The following NBEAL1 variants were observed in gnomAD, a reference collection of about 807,000 sequenced individuals.
NBEAL1 encodes neurobeachin like 1.
In NBEAL1, 273 loss-of-function variants were observed where a neutral mutation model predicts 351.3. That is an observed-to-expected ratio of 0.78 (90% CI 0.70 to 0.86). The LOEUF is 0.86. NBEAL1 is among the 40% of genes least tolerant of loss of function. NBEAL1 has a pLI of 0.00. For missense variants in NBEAL1, 2,961 were observed against 3,201.3 expected, an observed-to-expected ratio of 0.92 and a Z score of 1.81; for synonymous variants, 1,050 against 1,086.4, an observed-to-expected ratio of 0.97 and a Z score of 0.66.
At chr2:203,194,149 A>G (rs1327665891) in intron 47 of NBEAL1, among the ~76,000 whole-genome samples, 2 of 152,158 alleles carry the variant, frequency 1.3e-5, no homozygotes, top group Admixed American at 1.3e-4. Flanking sequence ...CATTTTCCTG[A>G]CGAAGAAGAA....
chr2:203,212,775 G>A (rs1174277230), intron 54 of NBEAL1, among the ~76,000 whole-genome samples: 1 of 152,138 alleles, frequency 6.6e-6, no homozygotes, highest in Non-Finnish European at 1.5e-5. Context: ...TGAAGGATTA[G>A]TAGGAATTAA....
At chr2:203,132,399 A>G in intron 26 of NBEAL1, among the ~76,000 whole-genome samples, 1 of 152,264 alleles carries the variant, frequency 6.6e-6, no homozygotes, top group East Asian at 1.9e-4. Flanking sequence ...AATATGTGCA[A>G]AAGATTGTTT....
intron 25 of NBEAL1, 73 bp downstream of exon 25, chr2:203,130,549 A>T: frequency 1.1e-6 from 1 of 946,452 alleles, no homozygotes; most frequent in Middle Eastern, 3.3e-4. Flanking sequence ...CAATATATCC[A>T]TTCTGTGACT....
In NBEAL1 at chr2:203,041,745, T is replaced by C. The variant is rs1417553345; in HGVS notation, c.52-20T>C. ...TTCCTGATAGGCATACTTAATATTATAATGGTTTTGTTATTTCAGAAAGAT... is the reference window on the plus strand; with the variant it reads ...TTCCTGATAGGCATACTTAATATTACAATGGTTTTGTTATTTCAGAAAGAT... On this transcript the variant is annotated intron_variant, in intron 2 of 55. Transcript: ENST00000683969. The C allele has an allele frequency of 1.3e-6, 2 of 1,522,854 alleles. No individual in the cohort carries two copies. Among genetic ancestry groups the C allele is most frequent in the Non-Finnish European group, 8.9e-7 (1 of 1,122,154 alleles). The allele number at this position is 1,522,854 out of a possible 1,614,324, so 94.3% of individuals were successfully genotyped here. A position where few individuals can be genotyped will look rare whatever the true frequency, so the allele number is the denominator to read the frequency against.
rs575944139 is a variant in NBEAL1 at position 203,195,406 on chromosome 2, T to A, written c.7038+1495T>A. Among the ~76,000 whole-genome samples, 4 of 152,310 alleles carry A rather than the reference T, an allele frequency of 2.6e-5. No homozygotes were observed. The South Asian group carries it at 8.3e-4, about 32-fold the overall frequency. ...CTGAAATAGTTATTTAGTGTTGCAA[T>A]ACAAACTCTACAAACTTGGTTGTTT... On this transcript the variant is annotated intron_variant, in intron 47 of 55. Transcript: ENST00000683969.
intron 31 of NBEAL1, among the ~76,000 whole-genome samples, chr2:203,142,642 TATTTA>T (rs1426624355): frequency 2.6e-5 from 4 of 152,258 alleles, no homozygotes; most frequent in Non-Finnish European, 5.9e-5. Flanking sequence ...ACTTAGTGTT[TATTTA>T]ATTTAATGAC....
At chr2:203,216,564 G>C (rs1451018000) in intron 55 of NBEAL1, among the ~76,000 whole-genome samples, 3 of 151,952 alleles carry the variant, frequency 2.0e-5, no homozygotes, top group African/African-American at 7.3e-5. Flanking sequence ...AATATAGTGA[G>C]ATCTCATCTC....
intron 15 of NBEAL1, 58 bp downstream of exon 15, chr2:203,110,340 T>C (rs2106239512): frequency 2.7e-6 from 4 of 1,498,664 alleles, no homozygotes; most frequent in Non-Finnish European, 3.6e-6. Flanking sequence ...TTTCCCACCA[T>C]TGTCATAAAT....
At chr2:203,164,965 G>A (rs539840365) in intron 36 of NBEAL1, among the ~76,000 whole-genome samples, 12 of 151,512 alleles carry the variant, frequency 7.9e-5, no homozygotes, top group African/African-American at 1.7e-4. Context: ...AGATTCAAGC[G>A]ATTCTTTTGC....
intron 14 of NBEAL1, 79 bp downstream of exon 14, chr2:203,108,267 T>C: frequency 9.0e-7 from 1 of 1,116,328 alleles, no homozygotes; most frequent in Non-Finnish European, 1.3e-6. Context: ...GAAAACTGTT[T>C]CCAAGCATCT....
Position 203,136,456 on chromosome 2 carries a change from C to G in NBEAL1, c.4390-143C>G, listed in dbSNP as rs989024010. 15 of 750,746 alleles carry G rather than the reference C, an allele frequency of 2.0e-5. No individual in the cohort carries two copies. In the South Asian group the frequency reaches 2.9e-4, roughly 15 times the overall value. The allele number at this position is 750,746 out of a possible 1,614,324, so 46.5% of individuals were successfully genotyped here. A position where few individuals can be genotyped will look rare whatever the true frequency, so the allele number is the denominator to read the frequency against. On this transcript the variant is annotated intron_variant, in intron 28 of 55. Transcript: ENST00000683969. ...CTAATGTCTTACTCATCTTATGTCT[C>G]TAGGGCCTAGTAAAGTTCCAGGTTC...
In NBEAL1 at chr2:203,127,675, T is replaced by C; in HGVS notation, c.3249-106T>C. ...AGGCAGAGGTTGCAGTGAGCCAAGA[T>C]TGTACCACTGCACTCCAGCCTGGGC... On this transcript the variant is annotated intron_variant, in intron 23 of 55. Coordinates refer to ENST00000683969, the MANE Select transcript of NBEAL1 (RefSeq NM_001378026.1). The C allele has an allele frequency of 3.3e-6, 2 of 611,876 alleles. 1 individual carries two copies. Among genetic ancestry groups the C allele is most frequent in the South Asian group, 3.8e-5 (2 of 52,180 alleles). The allele number at this position is 611,876 out of a possible 1,614,324, so 37.9% of individuals were successfully genotyped here. A position where few individuals can be genotyped will look rare whatever the true frequency, so the allele number is the denominator to read the frequency against.
intron 55 of NBEAL1, among the ~76,000 whole-genome samples, chr2:203,216,773 T>C (rs1200164586): frequency 6.6e-6 from 1 of 152,142 alleles, no homozygotes; most frequent in African/African-American, 2.4e-5. Context: ...TAAAAGTCTT[T>C]CATTATTATT....
In NBEAL1 at chr2:203,221,104, T is replaced by C. The variant is rs1416477252; in HGVS notation, c.*3750T>C. Among the ~76,000 whole-genome samples the C allele has an allele frequency of 6.6e-6, 1 of 152,080 alleles. No individual in the cohort carries two copies. Among genetic ancestry groups the C allele is most frequent in the Non-Finnish European group, 1.5e-5 (1 of 67,988 alleles). ...AGAATTCAGATTTGACGGTTGAATC[T>C]TAAGACATTTTATATTTTGTGTGAA... is the stretch of plus-strand genomic sequence containing the variant. On this transcript the variant is annotated 3_prime_UTR_variant, in exon 56 of 56. Coordinates refer to ENST00000683969, the MANE Select transcript of NBEAL1 (RefSeq NM_001378026.1).
chr2:203,128,496 T>A (rs1042561296), intron 24 of NBEAL1, among the ~76,000 whole-genome samples: 2 of 152,080 alleles, frequency 1.3e-5, no homozygotes, highest in African/African-American at 4.8e-5. Flanking sequence ...ATTTAATATA[T>A]GGAAATGTTT....
intron 36 of NBEAL1, among the ~76,000 whole-genome samples, chr2:203,161,432 C>A (rs1335484697): frequency 6.6e-6 from 1 of 151,206 alleles, no homozygotes; most frequent in Non-Finnish European, 1.5e-5. Context: ...AGATTGAGAT[C>A]ATCCTGGCCA....
intron 8 of NBEAL1, among the ~76,000 whole-genome samples, chr2:203,078,379 T>G (rs894759314): frequency 2.0e-5 from 3 of 152,156 alleles, no homozygotes; most frequent in Admixed American, 1.3e-4. Context: ...TTGCTGTGTT[T>G]CCCAGGCTGG....
At chr2:203,106,653 C>A (rs983452599) in intron 12 of NBEAL1, among the ~76,000 whole-genome samples, 1 of 151,912 alleles carries the variant, frequency 6.6e-6, no homozygotes, top group Admixed American at 6.6e-5. Flanking sequence ...GATTATATAA[C>A]AAAAATACAT....
chr2:203,126,222 TTGTTCA>T, intron 21 of NBEAL1, 129 bp downstream of exon 21: 2 of 991,462 alleles, frequency 2.0e-6, no homozygotes, highest in Non-Finnish European at 2.9e-6. Flanking sequence ...TGGATATAAT[TTGTTCA>T]CAGGCAGCTT....
Sources: gnomAD v4.1 joint callset for allele counts (sites outside exome capture counted in the v4.1 genomes callset) on GRCh38, gnomAD v4.1.1 for gene constraint, MANE v1.5 for transcripts, NCBI Gene and HGNC (gene_info 2026-07-23, HGNC 2026-07-21) for gene names.